Variants in MARCHF7 observed in about 807,000 individuals in gnomAD.
MARCHF7 encodes membrane associated ring-CH-type finger 7.
Under a neutral mutation model 76.5 loss-of-function variants are expected in MARCHF7, and 20 were observed. That is an observed-to-expected ratio of 0.26 (90% CI 0.18 to 0.38). The LOEUF is 0.38. MARCHF7 is among the 10% of genes least tolerant of loss of function. The pLI is 1.00. For synonymous variants in MARCHF7, 295 were observed against 293.0 expected, an observed-to-expected ratio of 1.01 and a Z score of -0.07; for missense variants, 797 against 812.9, an observed-to-expected ratio of 0.98 and a Z score of 0.24.
At chr2:159,761,736 ACT>A (rs894851577) in intron 9 of MARCHF7, among the ~76,000 whole-genome samples, 4 of 152,000 alleles carry the variant, frequency 2.6e-5, no homozygotes, top group Non-Finnish European at 2.9e-5. Context: ...TACTCAGTAG[ACT>A]CTGATAATCA....
chr2:159,715,359 G>T (rs1002684720), intron 2 of MARCHF7, among the ~76,000 whole-genome samples: 1 of 138,848 alleles, frequency 7.2e-6, no homozygotes, highest in Non-Finnish European at 1.5e-5. Flanking sequence ...GAGTTTAGGT[G>T]GGGGGGGTAA....
intron 5 of MARCHF7, among the ~76,000 whole-genome samples, chr2:159,745,105 T>C (rs1354066768): frequency 6.6e-6 from 1 of 152,178 alleles, no homozygotes; most frequent in East Asian, 1.9e-4. Flanking sequence ...TTTCATTGAC[T>C]TTTTTTGTGA....
chr2:159,730,037 A>G (rs1475076795), intron 4 of MARCHF7, among the ~76,000 whole-genome samples: 5 of 151,990 alleles, frequency 3.3e-5, no homozygotes, highest in Non-Finnish European at 7.4e-5. Context: ...ATGTCCATCT[A>G]CTCTTATGTA....
chr2:159,721,204 A>G (rs997813941), intron 3 of MARCHF7, among the ~76,000 whole-genome samples: 1 of 151,936 alleles, frequency 6.6e-6, no homozygotes, highest in African/African-American at 2.4e-5. Flanking sequence ...GGTCTTTTGG[A>G]GTCCACCTTA....
chr2:159,758,959 G>GT (rs1306294465), intron 8 of MARCHF7, among the ~76,000 whole-genome samples: 1 of 152,182 alleles, frequency 6.6e-6, no homozygotes, highest in African/African-American at 2.4e-5. Context: ...GATCAAGGAT[G>GT]TATGAGTATC....
chr2:159,726,997 AC>A (rs1164237770), intron 3 of MARCHF7, among the ~76,000 whole-genome samples: 2 of 152,240 alleles, frequency 1.3e-5, no homozygotes, highest in Non-Finnish European at 2.9e-5. Flanking sequence ...ATTAGACTAT[AC>A]CATCTAGGTT....
intron 9 of MARCHF7, 60 bp from the exon 10 acceptor site, chr2:159,762,820 A>G (rs562194971): frequency 6.0e-6 from 6 of 998,554 alleles, no homozygotes; most frequent in East Asian, 2.5e-5. Context: ...ATCAATCTCA[A>G]TTCTACTAAT....
At position 159,715,169 on chromosome 2, in the gene MARCHF7, GA is replaced by G. The variant is rs150185281; in HGVS notation, c.-100-511del. Among the ~76,000 whole-genome samples, 79 of 152,270 alleles carry G rather than the reference GA, an allele frequency of 5.2e-4. 2 individuals carry two copies. The East Asian group carries it at 0.015, about 28-fold the overall frequency. On this transcript the variant is annotated intron_variant, in intron 2 of 11. Coordinates refer to ENST00000409175, the MANE Select transcript of MARCHF7 (RefSeq NM_001282805.2). ...TAACTGTTAAATAAGTGAATCAACTGATCACATTAGAATGATTACAATTTAA... is the reference window on the plus strand; with the variant it reads ...TAACTGTTAAATAAGTGAATCAACTGTCACATTAGAATGATTACAATTTAA...
At chr2:159,738,109 C>T (rs1295637265) in intron 4 of MARCHF7, among the ~76,000 whole-genome samples, 1 of 152,222 alleles carries the variant, frequency 6.6e-6, no homozygotes, top group Non-Finnish European at 1.5e-5. Flanking sequence ...CCACCGTTTA[C>T]AGCCAGGCAC....
intron 7 of MARCHF7, among the ~76,000 whole-genome samples, chr2:159,749,342 G>T: frequency 6.6e-6 from 1 of 150,694 alleles, no homozygotes; most frequent in African/African-American, 2.4e-5. Flanking sequence ...TTTTGTTTTT[G>T]TTTTTTTTTG....
At chr2:159,742,541 G>A (rs1426670860) in intron 4 of MARCHF7, among the ~76,000 whole-genome samples, 1 of 132,748 alleles carries the variant, frequency 7.5e-6, no homozygotes, top group Admixed American at 7.1e-5. Context: ...TCATAACCAA[G>A]TGTTTATAAA....
intron 1 of MARCHF7, among the ~76,000 whole-genome samples, chr2:159,713,634 A>G (rs1337581276): frequency 6.6e-6 from 1 of 152,238 alleles, no homozygotes; most frequent in Admixed American, 6.5e-5. Flanking sequence ...GAAGGCACAC[A>G]TGTAGTGTAA....
chr2:159,758,992 G>A (rs1180390004), intron 8 of MARCHF7, among the ~76,000 whole-genome samples: 1 of 152,140 alleles, frequency 6.6e-6, no homozygotes, highest in Non-Finnish European at 1.5e-5. Context: ...AACAACCAAG[G>A]TATCTAAATA....
At chr2:159,762,824 T>G in intron 9 of MARCHF7, 56 bp from the exon 10 acceptor site, 1 of 1,024,908 alleles carries the variant, frequency 9.8e-7, no homozygotes, top group East Asian at 2.5e-5. Context: ...ATCTCAATTC[T>G]ACTAATTTTT....
intron 4 of MARCHF7, 83 bp downstream of exon 4, chr2:159,729,258 G>C: frequency 9.9e-7 from 1 of 1,008,558 alleles, no homozygotes; most frequent in Non-Finnish European, 1.4e-6. Context: ...TAAAAAATGT[G>C]TTAGCTGGAT....
chr2:159,764,706 G>C (rs368052434), intron 11 of MARCHF7, 32 bp downstream of exon 11: 2 of 1,566,026 alleles, frequency 1.3e-6, no homozygotes, highest in African/African-American at 1.4e-5. Flanking sequence ...CAGACTTGTT[G>C]AATTTACTTT....
chr2:159,743,017 G>A, intron 4 of MARCHF7, 44 bp from the exon 5 acceptor site: 2 of 1,534,454 alleles, frequency 1.3e-6, no homozygotes, highest in Non-Finnish European at 1.8e-6. Flanking sequence ...ATTTAGTACT[G>A]AATGCAGCCT....
chr2:159,721,389 G>A (rs1170168868), intron 3 of MARCHF7, among the ~76,000 whole-genome samples: 1 of 152,082 alleles, frequency 6.6e-6, no homozygotes, highest in Non-Finnish European at 1.5e-5. Flanking sequence ...ATAAATTGTT[G>A]AATTGGTATG....
At position 159,748,980 on chromosome 2, in the gene MARCHF7, T is replaced by C. The variant is rs893518406; in HGVS notation, c.1613+77T>C. On this transcript the variant is annotated intron_variant, in intron 7 of 11. Transcript: ENST00000409175. ...TCTTCATTTCTTTTTTTTCTTTTCTTTTTTTTTTTTTTTTTTGAGACGGAG... is the reference window on the plus strand; with the variant it reads ...TCTTCATTTCTTTTTTTTCTTTTCTCTTTTTTTTTTTTTTTTGAGACGGAG... 1,391 of 1,035,028 alleles carry C rather than the reference T, an allele frequency of 1.3e-3. 27 individuals are homozygous for C. In the African/African-American group the frequency reaches 0.022, roughly 16 times the overall value. 64.1% of individuals were successfully genotyped at this position (1,035,028 alleles called of 1,614,324 possible). A position where few individuals can be genotyped will look rare whatever the true frequency, so the allele number is the denominator to read the frequency against.
Sources: gnomAD v4.1 joint callset for allele counts (sites outside exome capture counted in the v4.1 genomes callset) on GRCh38, gnomAD v4.1.1 for gene constraint, MANE v1.5 for transcripts, NCBI Gene and HGNC (gene_info 2026-07-23, HGNC 2026-07-21) for gene names.